PTPRN2: variants seen among roughly 807,000 people sequenced by gnomAD.
PTPRN2 encodes protein tyrosine phosphatase receptor type N2, also known as receptor-type tyrosine-protein phosphatase N2.
In PTPRN2, 74 loss-of-function variants were observed where a neutral mutation model predicts 118.8. The ratio of observed to expected loss-of-function variants is 0.62; its 90% CI spans 0.52 to 0.76. PTPRN2 has a LOEUF of 0.76. Ranked by LOEUF, PTPRN2 falls within the 30% of genes least tolerant of loss-of-function variation. PTPRN2 has a pLI of 0.00. For missense variants in PTPRN2, 1,481 were observed against 1,394.4 expected (o/e 1.06, Z -0.99); for synonymous variants, 641 against 608.0 (o/e 1.05, Z -0.80).
At chr7:157,637,867 T>C (rs902973836) in intron 14 of PTPRN2, among the ~76,000 whole-genome samples, 2 of 152,242 alleles carry the variant, frequency 1.3e-5, no homozygotes, top group East Asian at 3.8e-4. Flanking sequence ...ATTACGATTT[T>C]CTGATGAAGT....
At chr7:157,975,371 C>T (rs1194963605) in intron 11 of PTPRN2, among the ~76,000 whole-genome samples, 10 of 152,150 alleles carry the variant, frequency 6.6e-5, no homozygotes, top group Admixed American at 2.6e-4. Context: ...GTCTGAGAGC[C>T]TCTCCATCTC....
intron 2 of PTPRN2, among the ~76,000 whole-genome samples, chr7:158,363,966 G>GAC (rs1809220965): frequency 6.6e-6 from 1 of 152,122 alleles, no homozygotes; most frequent in Admixed American, 6.5e-5. Flanking sequence ...CACATGGGGA[G>GAC]ACACACACAC....
At chr7:157,614,135 GGGAAGACAGGGGA>G (rs1488554641) in intron 15 of PTPRN2, 5 of 470,502 alleles carry the variant, frequency 1.1e-5, no homozygotes, top group Non-Finnish European at 2.2e-5. Flanking sequence ...GGAGAGGAGG[GGGAAGACAGGGGA>G]GGAAGGGGGA....
intron 5 of PTPRN2, among the ~76,000 whole-genome samples, chr7:158,171,280 CAT>C (rs372340836): frequency 0.61 from 57,501 of 93,698 alleles, 19,031 homozygotes; most frequent in East Asian, 0.8. Flanking sequence ...TATATACACA[CAT>C]ATATATACAC....
intron 11 of PTPRN2, among the ~76,000 whole-genome samples, chr7:158,053,862 A>ATG (rs1176484133): frequency 1.4e-5 from 2 of 147,568 alleles, no homozygotes; most frequent in African/African-American, 2.7e-5. Context: ...GACTCCAGAG[A>ATG]CGCAGAGACC....
At chr7:158,406,005 G>C (rs1563252655) in intron 2 of PTPRN2, among the ~76,000 whole-genome samples, 1 of 145,958 alleles carries the variant, frequency 6.9e-6, no homozygotes, top group Non-Finnish European at 1.5e-5. Context: ...TCATCCGTGA[G>C]ACACGTGGCT....
intron 3 of PTPRN2, 37 bp downstream of exon 3, chr7:158,316,782 G>A (rs775260115): frequency 1.3e-6 from 2 of 1,507,354 alleles, no homozygotes; most frequent in South Asian, 1.2e-5. Context: ...GTCGCTCAGT[G>A]CGGCAGCCGC....
chr7:158,333,720 CA>C (rs1396151345), intron 2 of PTPRN2, among the ~76,000 whole-genome samples: 1 of 146,070 alleles, frequency 6.8e-6, no homozygotes, highest in African/African-American at 2.6e-5. Flanking sequence ...CTGAGGCCCA[CA>C]GAGGTCACTC....
intron 11 of PTPRN2, among the ~76,000 whole-genome samples, chr7:158,070,958 G>C (rs537888898): frequency 8.4e-6 from 1 of 119,142 alleles, no homozygotes; most frequent in Non-Finnish European, 1.7e-5. Context: ...CCGTGGTGGT[G>C]GAGGTGCTCA....
intron 20 of PTPRN2, 85 bp downstream of exon 20, chr7:157,571,355 T>C (rs1799750014): frequency 9.3e-7 from 1 of 1,080,420 alleles, no homozygotes; most frequent in African/African-American, 1.6e-5. Flanking sequence ...ATTAAGCAAT[T>C]AGAAAGTTAA....
chr7:157,750,906 G>A (rs1017589497), intron 12 of PTPRN2, among the ~76,000 whole-genome samples: 2 of 152,376 alleles, frequency 1.3e-5, no homozygotes, highest in African/African-American at 2.4e-5. Context: ...GGGCCAGCTC[G>A]GCACCATCGG....
rs1249222806 is a variant in PTPRN2 at position 158,481,220 on chromosome 7, T to C, written c.163+8515A>G. Among the ~76,000 whole-genome samples, 6 of 152,242 alleles carry C rather than the reference T, an allele frequency of 3.9e-5. No homozygotes were observed. The East Asian group carries it at 1.2e-3, about 29-fold the overall frequency. On this transcript the variant is annotated intron_variant, in intron 2 of 22. Transcript: ENST00000389418. ...TAAATCTATGGCTGCCTGTGCTCTG[T>C]CACTGGAACAAAGCTGGATGACAGC...
At chr7:158,264,423 C>T (rs367957153) in intron 3 of PTPRN2, among the ~76,000 whole-genome samples, 8 of 152,226 alleles carry the variant, frequency 5.3e-5, no homozygotes, top group Middle Eastern at 3.4e-3. Context: ...GTCCAAAGAT[C>T]GTGCTGAGCT....
At chr7:157,922,605 A>C (rs1265719754) in intron 11 of PTPRN2, among the ~76,000 whole-genome samples, 1 of 152,196 alleles carries the variant, frequency 6.6e-6, no homozygotes, top group Non-Finnish European at 1.5e-5. Context: ...AGCAAGAATG[A>C]CTTTGTTCCC....
chr7:158,125,542 C>A (rs999585738), intron 9 of PTPRN2, among the ~76,000 whole-genome samples: 9 of 152,320 alleles, frequency 5.9e-5, no homozygotes, highest in Middle Eastern at 6.8e-3. Flanking sequence ...GTACAAGCAA[C>A]CGTGAACATG....
At chr7:158,261,767 C>T (rs1797414530) in intron 3 of PTPRN2, among the ~76,000 whole-genome samples, 2 of 152,222 alleles carry the variant, frequency 1.3e-5, no homozygotes, top group African/African-American at 4.8e-5. Context: ...TTCAGGGCAC[C>T]GCCATGAGCC....
At chr7:158,421,239 C>G (rs1043316910) in intron 2 of PTPRN2, among the ~76,000 whole-genome samples, 5 of 152,176 alleles carry the variant, frequency 3.3e-5, no homozygotes, top group African/African-American at 1.2e-4. Context: ...GGTTGAAAAG[C>G]TGACTGGAAT....
At chr7:157,650,860 C>T (rs542906271) in intron 14 of PTPRN2, among the ~76,000 whole-genome samples, 243 of 152,310 alleles carry the variant, frequency 1.6e-3, no homozygotes, top group Non-Finnish European at 3.0e-3. Flanking sequence ...GGTGACTTAT[C>T]GCTAAGAACT....
chr7:158,377,817 G>A (rs1810665831), intron 2 of PTPRN2, among the ~76,000 whole-genome samples: 1 of 152,148 alleles, frequency 6.6e-6, no homozygotes, highest in Admixed American at 6.5e-5. Flanking sequence ...GTACGGCCCT[G>A]CACGGAGGGT....
Sources: gnomAD v4.1 joint callset for allele counts (sites outside exome capture counted in the v4.1 genomes callset) on GRCh38, gnomAD v4.1.1 for gene constraint, MANE v1.5 for transcripts, NCBI Gene and HGNC (gene_info 2026-07-23, HGNC 2026-07-21) for gene names.